Variants in DSCAM observed in about 807,000 individuals in gnomAD.
DSCAM encodes DS cell adhesion molecule, also known as cell adhesion molecule DSCAM.
Under a neutral mutation model 217.7 loss-of-function variants are expected in DSCAM, and 47 were observed. The ratio of observed to expected loss-of-function variants is 0.22; its 90% confidence interval spans 0.17 to 0.28. The LOEUF (loss-of-function observed/expected upper bound fraction) is 0.28. Ranked by LOEUF, DSCAM falls within the 10% of genes least tolerant of loss-of-function variation. The pLI, the probability that DSCAM is intolerant of heterozygous loss-of-function variation, is 1.00. For synonymous variants in DSCAM, 1,056 were observed against 1,015.3 expected, an observed-to-expected ratio of 1.04 and a Z score of -0.76; for missense variants, 2,080 against 2,618.3, an observed-to-expected ratio of 0.79 and a Z score of 4.49.
At chr21:40,495,108 A>T (rs2076107355) in intron 3 of DSCAM, among the ~76,000 whole-genome samples, 1 of 152,238 alleles carries the variant, frequency 6.6e-6, no homozygotes, top group Non-Finnish European at 1.5e-5. Context: ...GACTCTAATC[A>T]AGGAAAAATC....
intron 1 of DSCAM, among the ~76,000 whole-genome samples, chr21:40,765,339 G>A (rs2091377371): frequency 6.6e-6 from 1 of 150,632 alleles, no homozygotes; most frequent in Admixed American, 6.7e-5. Flanking sequence ...GGCCCTGGAG[G>A]AGGCACTTCC....
chr21:40,658,616 A>G (rs1194037252), intron 3 of DSCAM, among the ~76,000 whole-genome samples: 1 of 152,234 alleles, frequency 6.6e-6, no homozygotes, highest in African/African-American at 2.4e-5. Context: ...GCATTTGCAT[A>G]CGACTTACAA....
At chr21:40,227,366 G>A (rs1181608355) in intron 11 of DSCAM, among the ~76,000 whole-genome samples, 1 of 152,202 alleles carries the variant, frequency 6.6e-6, no homozygotes, top group East Asian at 1.9e-4. Context: ...ATAGAACAGG[G>A]CAGGCATCTT....
chr21:40,143,043 T>A (rs2090312091), intron 17 of DSCAM, among the ~76,000 whole-genome samples: 1 of 152,234 alleles, frequency 6.6e-6, no homozygotes. Flanking sequence ...TCTGATTTAT[T>A]TTCCCCTTAC....
intron 8 of DSCAM, among the ~76,000 whole-genome samples, chr21:40,316,618 G>A (rs1359931241): frequency 6.6e-6 from 1 of 152,110 alleles, no homozygotes; most frequent in African/African-American, 2.4e-5. Context: ...TATATCATAG[G>A]AGCAGAAATC....
intron 11 of DSCAM, among the ~76,000 whole-genome samples, chr21:40,194,636 T>C (rs550592593): frequency 6.6e-6 from 1 of 152,336 alleles, no homozygotes; most frequent in East Asian, 1.9e-4. Context: ...ATTTGCTTCA[T>C]AAACTATAAT....
At chr21:40,829,481 C>G (rs1264022843) in intron 1 of DSCAM, among the ~76,000 whole-genome samples, 1 of 152,184 alleles carries the variant, frequency 6.6e-6, no homozygotes, top group Non-Finnish European at 1.5e-5. Flanking sequence ...TCAAGTGCAG[C>G]TGCTCTGATG....
intron 16 of DSCAM, among the ~76,000 whole-genome samples, chr21:40,162,119 A>C (rs1888498): frequency 0.73 from 110,993 of 152,050 alleles, 41,890 homozygotes; most frequent in African/African-American, 0.93. Context: ...ACTTCCTAGT[A>C]ATTAACTGGT....
At chr21:40,437,222 A>G (rs2145906872) in intron 3 of DSCAM, among the ~76,000 whole-genome samples, 1 of 152,194 alleles carries the variant, frequency 6.6e-6, no homozygotes, top group South Asian at 2.1e-4. Context: ...TGACATGTTC[A>G]CTGTTTGGGT....
At chr21:40,572,802 A>G (rs2076818490) in intron 3 of DSCAM, among the ~76,000 whole-genome samples, 1 of 152,234 alleles carries the variant, frequency 6.6e-6, no homozygotes, top group South Asian at 2.1e-4. Context: ...AAAAGCTCAC[A>G]TTCACCATGG....
Position 40,841,223 on chromosome 21 carries a change from C to A in DSCAM, c.43+5396G>T, listed in dbSNP as rs955799011. The stretch of plus-strand genomic sequence containing the variant: ...GTCAGAAGCTGTCTGACCTCTGAAC[C>A]AAAATCCTGTCCCTGCTTCCCTCCT... On this transcript the variant is annotated intron_variant, in intron 1 of 32. Transcript: ENST00000400454. Among the ~76,000 whole-genome samples, 5 of 152,158 alleles carry A rather than the reference C, an allele frequency of 3.3e-5. No individual in the cohort carries two copies. The East Asian group carries it at 7.7e-4, about 23-fold the overall frequency.
chr21:40,127,434 A>C (rs1244543637), intron 19 of DSCAM, among the ~76,000 whole-genome samples: 1 of 152,214 alleles, frequency 6.6e-6, no homozygotes, highest in Admixed American at 6.5e-5. Flanking sequence ...TTTCTTATGA[A>C]GGTCAAAACA....
At chr21:40,710,290 A>C (rs1317942302) in intron 1 of DSCAM, among the ~76,000 whole-genome samples, 1 of 152,248 alleles carries the variant, frequency 6.6e-6, no homozygotes, top group Non-Finnish European at 1.5e-5. Flanking sequence ...TTAAAATAGG[A>C]CATAACAATA....
At chr21:40,393,479 T>A (rs1046499711) in intron 3 of DSCAM, among the ~76,000 whole-genome samples, 4 of 152,204 alleles carry the variant, frequency 2.6e-5, no homozygotes, top group African/African-American at 9.7e-5. Flanking sequence ...CATATTTTTT[T>A]AAAATCAAGG....
chr21:40,045,470 T>C (rs556859340), intron 30 of DSCAM, among the ~76,000 whole-genome samples: 2 of 152,246 alleles, frequency 1.3e-5, no homozygotes, highest in East Asian at 3.9e-4. Context: ...GTCTATGGGG[T>C]GGACGGAGTT....
intron 1 of DSCAM, among the ~76,000 whole-genome samples, chr21:40,712,969 C>A (rs66461687): frequency 0.098 from 14,875 of 152,218 alleles, 862 homozygotes; most frequent in East Asian, 0.19. Context: ...GAGGGACACA[C>A]AATGTAGATG....
At chr21:40,563,840 A>G (rs1200737364) in intron 3 of DSCAM, among the ~76,000 whole-genome samples, 2 of 149,668 alleles carry the variant, frequency 1.3e-5, no homozygotes, top group Non-Finnish European at 3.0e-5. Context: ...ATATATGTTT[A>G]TATGTTTATA....
chr21:40,593,116 C>A (rs1215871265), intron 3 of DSCAM, among the ~76,000 whole-genome samples: 1 of 152,176 alleles, frequency 6.6e-6, no homozygotes, highest in Non-Finnish European at 1.5e-5. Flanking sequence ...ACTTAAACTA[C>A]ACTATTTAAG....
intron 11 of DSCAM, among the ~76,000 whole-genome samples, chr21:40,255,315 G>A (rs1304253511): frequency 1.3e-5 from 2 of 152,150 alleles, no homozygotes; most frequent in African/African-American, 4.8e-5. Context: ...TATGGTTTGA[G>A]ATAATGTTAC....
Sources: gnomAD v4.1 joint callset for allele counts (sites outside exome capture counted in the v4.1 genomes callset) on GRCh38, gnomAD v4.1.1 for gene constraint, MANE v1.5 for transcripts, NCBI Gene and HGNC (gene_info 2026-07-23, HGNC 2026-07-21) for gene names.